NLGN1: variants seen among roughly 807,000 people sequenced by gnomAD.
The protein encoded by NLGN1 is neuroligin 1.
In NLGN1, 12 loss-of-function variants were observed where a neutral mutation model predicts 65.5. That is an observed-to-expected ratio of 0.18 (90% CI 0.12 to 0.30). The LOEUF is 0.30. Ranked by LOEUF, NLGN1 falls within the 10% of genes least tolerant of loss-of-function variation. NLGN1 has a pLI of 1.00. For synonymous variants in NLGN1, 350 were observed against 359.5 expected, an observed-to-expected ratio of 0.97 and a Z score of 0.30; for missense variants, 750 against 1,007.1, an observed-to-expected ratio of 0.74 and a Z score of 3.46.
At chr3:174,155,599 G>GT (rs367664581) in intron 4 of NLGN1, among the ~76,000 whole-genome samples, 91 of 149,182 alleles carry the variant, frequency 6.1e-4, no homozygotes, top group African/African-American at 1.6e-3. Context: ...TTGTAATGGA[G>GT]TTTTTTTTTT....
At chr3:173,608,301 A>T (rs183294130) in intron 3 of NLGN1, among the ~76,000 whole-genome samples, 480 of 151,966 alleles carry the variant, frequency 3.2e-3, no homozygotes, top group Non-Finnish European at 3.9e-3. Flanking sequence ...GCCATATGTT[A>T]ATTAACCTCT....
chr3:174,173,706 ATGTT>A (rs1728951592), intron 4 of NLGN1, among the ~76,000 whole-genome samples: 1 of 149,990 alleles, frequency 6.7e-6, no homozygotes, highest in Admixed American at 6.6e-5. Context: ...GTGTGTGTGT[ATGTT>A]TGTGTGTGTG....
chr3:173,962,384 T>A (rs942142276), intron 4 of NLGN1, among the ~76,000 whole-genome samples: 1 of 152,166 alleles, frequency 6.6e-6, no homozygotes, highest in African/African-American at 2.4e-5. Context: ...CTCTCTTTTA[T>A]AATATAATGC....
At chr3:174,285,779 T>C (rs1752046110) in exon 7 of NLGN1, 1 of 151,452 alleles carries the variant, frequency 6.6e-6, no homozygotes, top group Admixed American at 6.6e-5. Context: ...CCTCCTGAGA[T>C]TTTATTTATA....
At chr3:174,288,547 A>G (rs1440044247), downstream of NLGN1, among the ~76,000 whole-genome samples, 1 of 151,404 alleles carries the variant, frequency 6.6e-6, no homozygotes, top group South Asian at 2.1e-4. Flanking sequence ...ATTGATCTCA[A>G]ATATTTAAAG....
intron 1 of NLGN1, among the ~76,000 whole-genome samples, chr3:173,406,253 G>A (rs563022088): frequency 3.0e-4 from 46 of 151,816 alleles, no homozygotes; most frequent in African/African-American, 1.0e-3. Context: ...GAGGAGGCAA[G>A]AAGAAAATGC....
intron 1 of NLGN1, among the ~76,000 whole-genome samples, chr3:173,427,648 A>G (rs1036787127): frequency 3.3e-5 from 5 of 151,802 alleles, no homozygotes; most frequent in Non-Finnish European, 7.4e-5. Context: ...ATTAATTTCT[A>G]GTTTTATTCC....
chr3:173,530,853 T>C (rs1736451647), intron 2 of NLGN1, among the ~76,000 whole-genome samples: 1 of 152,144 alleles, frequency 6.6e-6, no homozygotes, highest in Admixed American at 6.5e-5. Context: ...TTAAATGCTC[T>C]TTGCTTTAGT....
chr3:174,072,705 G>GGT (rs1740150704), intron 4 of NLGN1, among the ~76,000 whole-genome samples: 1 of 151,992 alleles, frequency 6.6e-6, no homozygotes, highest in African/African-American at 2.4e-5. Flanking sequence ...CAGAGAGAAG[G>GGT]GTATTGGTGT....
chr3:173,477,319 T>A (rs1726398287), intron 2 of NLGN1, among the ~76,000 whole-genome samples: 1 of 151,986 alleles, frequency 6.6e-6, no homozygotes, highest in Non-Finnish European at 1.5e-5. Flanking sequence ...GGCGGGAGGA[T>A]CCCTTGAGGC....
At chr3:174,087,056 T>C (rs1743559616) in intron 4 of NLGN1, among the ~76,000 whole-genome samples, 1 of 151,912 alleles carries the variant, frequency 6.6e-6, no homozygotes, top group African/African-American at 2.4e-5. Flanking sequence ...CACATATAAG[T>C]GGGAGCTAAA....
chr3:173,789,274 G>A (rs1013782370), intron 3 of NLGN1, among the ~76,000 whole-genome samples: 2 of 152,072 alleles, frequency 1.3e-5, no homozygotes, highest in Non-Finnish European at 2.9e-5. Flanking sequence ...TAATTAAAAA[G>A]AAGCGTGAAG....
chr3:174,041,038 T>G (rs144447570), intron 4 of NLGN1, among the ~76,000 whole-genome samples: 1 of 152,256 alleles, frequency 6.6e-6, no homozygotes, highest in African/African-American at 2.4e-5. Flanking sequence ...TCACAAATCT[T>G]AAGTTTATTC....
At chr3:173,680,707 A>G (rs909375744) in intron 3 of NLGN1, among the ~76,000 whole-genome samples, 3 of 152,178 alleles carry the variant, frequency 2.0e-5, no homozygotes, top group African/African-American at 7.2e-5. Flanking sequence ...ATGTAGTTAA[A>G]GGAGAGGACA....
intron 4 of NLGN1, among the ~76,000 whole-genome samples, chr3:174,120,089 T>C (rs113251223): frequency 3.3e-5 from 5 of 152,116 alleles, no homozygotes; most frequent in African/African-American, 1.2e-4. Flanking sequence ...CACAAAAATA[T>C]AGAGCTTGAA....
intron 1 of NLGN1, among the ~76,000 whole-genome samples, chr3:173,408,744 C>G (rs1711836756): frequency 6.6e-6 from 1 of 151,988 alleles, no homozygotes; most frequent in African/African-American, 2.4e-5. Context: ...AACCCCGTCT[C>G]TACTAAAAAT....
rs1196349489 is a variant in NLGN1 at position 173,917,815 on chromosome 3, C to T, written c.646+109983C>T. Among the ~76,000 whole-genome samples the T allele has an allele frequency of 4.1e-5, 6 of 148,096 alleles. No homozygotes were observed. In the East Asian group the frequency reaches 9.8e-4, roughly 24 times the overall value. On this transcript the variant is annotated intron_variant, in intron 4 of 6. Transcript: ENST00000457714. ...TATTATCAGCTGAACTTAGGAAGGG[C>T]GCTCTGAAATTCTTACAAAGCAACA...
intron 4 of NLGN1, among the ~76,000 whole-genome samples, chr3:174,040,847 G>T (rs892085399): frequency 1.3e-5 from 2 of 151,856 alleles, no homozygotes; most frequent in African/African-American, 4.8e-5. Context: ...TTCTTGTTTT[G>T]CTACAAATTT....
chr3:173,962,838 G>A (rs1381901364), intron 4 of NLGN1, among the ~76,000 whole-genome samples: 1 of 152,042 alleles, frequency 6.6e-6, no homozygotes, highest in African/African-American at 2.4e-5. Flanking sequence ...TTATCTGTCT[G>A]CAATTCTAAA....
Sources: gnomAD v4.1 joint callset for allele counts (sites outside exome capture counted in the v4.1 genomes callset) on GRCh38, gnomAD v4.1.1 for gene constraint, MANE v1.5 for transcripts, NCBI Gene and HGNC (gene_info 2026-07-23, HGNC 2026-07-21) for gene names.